Variants in MIER3 observed in about 807,000 individuals in gnomAD.
MIER3 encodes mesoderm induction early response protein 3.
MIER3 carries 9 observed loss-of-function variants against 63.2 expected under a neutral mutation model. The ratio of observed to expected loss-of-function variants is 0.14; its 90% CI spans 0.09 to 0.25. The LOEUF (loss-of-function observed/expected upper bound fraction) is 0.25. Ranked by LOEUF, MIER3 falls within the 10% of genes least tolerant of loss-of-function variation. The probability of loss-of-function intolerance (pLI) is 1.00; values close to 1 mark genes in which losing one functional copy is unlikely to be tolerated. For synonymous variants in MIER3, 205 were observed against 224.9 expected, an observed-to-expected ratio of 0.91 and a Z score of 0.79; for missense variants, 512 against 666.2, an observed-to-expected ratio of 0.77 and a Z score of 2.55.
chr5:56,920,593 C>A lies in MIER3; in HGVS notation c.*2535G>T, dbSNP rs1252407246. On this transcript the variant is annotated 3_prime_UTR_variant, in exon 13 of 13. Transcript: ENST00000381199. ...ATGCAATTCTTTTAATAAACAGTAA[C>A]AAATTCTCTGTTAAGATGTTTAAAC... 6.6e-6 allele frequency: 1 copy of A among 151,968 alleles called. No homozygotes were observed. The highest frequency in any genetic ancestry group is 2.4e-5 in the African/African-American group (1 of 41,266). The allele number at this position is 151,968 out of a possible 1,614,324, so 9.4% of individuals were successfully genotyped here.
intron 3 of MIER3, among the ~76,000 whole-genome samples, chr5:56,940,147 T>G (rs922534006): frequency 6.6e-6 from 1 of 152,158 alleles, no homozygotes; most frequent in East Asian, 1.9e-4. Context: ...CTGGCCAACA[T>G]GGTGAAACCC....
chr5:56,924,043 C>G lies in MIER3; in HGVS notation c.925-1G>C. ...ACTCAGCAACTGTCCTAGTTCTCAC[C>G]TAATGAAAAAGTTGAATTTTTAAAA... On this transcript the variant is annotated splice_acceptor_variant, in intron 10 of 12. Transcript: ENST00000381199. LOFTEE classifies it high-confidence loss of function. The G allele has an allele frequency of 6.3e-7, 1 of 1,586,240 alleles. No individual in the cohort carries two copies. The highest frequency in any genetic ancestry group is 8.5e-7 in the Non-Finnish European group (1 of 1,171,624).
In MIER3 at chr5:56,920,519, T is replaced by C. The variant is rs541437222; in HGVS notation, c.*2609A>G. 6 of 152,598 alleles carry C rather than the reference T, an allele frequency of 3.9e-5. No individual in the cohort carries two copies. Among genetic ancestry groups the C allele is most frequent in the Non-Finnish European group, 7.4e-5 (5 of 67,978 alleles). 9.5% of individuals were successfully genotyped at this position (152,598 alleles called of 1,614,324 possible). ...TGCTTAACACTTGATAATAAAGGCA[T>C]TATTGTTTCTTCACATGATTGCAAA... On this transcript the variant is annotated 3_prime_UTR_variant, in exon 13 of 13. Coordinates refer to ENST00000381199, the MANE Select transcript of MIER3 (RefSeq NM_001297599.2).
At chr5:56,945,469 A>G (rs1394327786) in intron 3 of MIER3, among the ~76,000 whole-genome samples, 1 of 152,248 alleles carries the variant, frequency 6.6e-6, no homozygotes, top group Non-Finnish European at 1.5e-5. Flanking sequence ...TCTCAAAAAA[A>G]AAAAGTTCTA....
upstream of MIER3, chr5:56,952,144 C>G: frequency 4.9e-6 from 6 of 1,218,434 alleles, no homozygotes; most frequent in Non-Finnish European, 5.2e-6. Flanking sequence ...GAGCCCAGTC[C>G]CCGGATGGGG....
At chr5:56,941,157 A>C in intron 3 of MIER3, 1 of 985,246 alleles carries the variant, frequency 1.0e-6, no homozygotes, top group South Asian at 4.7e-5. Flanking sequence ...TAGTGGGAGT[A>C]AGTCTCAAAG....
chr5:56,951,476 C>T (rs993484920), intron 1 of MIER3, among the ~76,000 whole-genome samples: 1 of 152,138 alleles, frequency 6.6e-6, no homozygotes, highest in Non-Finnish European at 1.5e-5. Flanking sequence ...TCGGTCTGCC[C>T]TTTAACCCCA....
rs1308905554 is a variant in MIER3, at chr5:56,938,954, C to G, written c.244G>C (p.Val82Leu). Residue 82 changes from valine to leucine, a missense_variant, in exon 4 of 13, where the codon GTT (valine) becomes CTT (leucine). This residue lies in a region of MIER3 where 98 missense variants were observed against 107.4 expected (regional missense o/e 0.91). Coordinates refer to ENST00000381199, the MANE Select transcript of MIER3 (RefSeq NM_001297599.2). ...GAACTATTTGCACTGGAATTTGCAA[C>G]TGCTGGAATTGTAGGTTCATAGCCA... The part of the protein sequence containing the change: ...FYGYEPTIPA[V>L]ANSSANSSPS... 1.9e-6 allele frequency: 3 copies of G among 1,614,040 alleles called. No homozygotes were observed. The highest frequency in any genetic ancestry group is 1.3e-5 in the African/African-American group (1 of 74,944).
intron 8 of MIER3, among the ~76,000 whole-genome samples, chr5:56,931,049 C>T (rs1368673734): frequency 6.6e-6 from 1 of 152,018 alleles, no homozygotes; most frequent in Non-Finnish European, 1.5e-5. Context: ...TTAGAGTTTC[C>T]CCTATTTTAG....
At position 56,952,109 on chromosome 5, in the gene MIER3, A is replaced by T. The variant is rs1329387238; in HGVS notation, c.-7T>A. On this transcript the variant is annotated 5_prime_UTR_variant, in exon 1 of 13. Coordinates refer to ENST00000381199, the MANE Select transcript of MIER3 (RefSeq NM_001297599.2). ...CCCTGCTCACCTCCGCCATATTGGT[A>T]CCTTTAGGGCGAACGAGCAGCGCCG... is the stretch of plus-strand genomic sequence containing the variant. 2 of 1,297,606 alleles carry T rather than the reference A, an allele frequency of 1.5e-6. No homozygotes were observed. Among genetic ancestry groups the T allele is most frequent in the Non-Finnish European group, 2.0e-6 (2 of 1,005,356 alleles). 80.4% of individuals were successfully genotyped at this position (1,297,606 alleles called of 1,614,324 possible).
chr5:56,935,448 T>C lies in MIER3; in HGVS notation c.575A>G (p.Glu192Gly). 6.3e-7 allele frequency: 1 copy of C among 1,592,538 alleles called. No individual in the cohort carries two copies. The highest frequency in any genetic ancestry group is 8.5e-7 in the Non-Finnish European group (1 of 1,173,856). The part of the protein sequence containing the change: ...YQAEIPPYLG[E>G]YDGNEKVYEN... The stretch of plus-strand genomic sequence containing the variant: ...CTTACCTTTCTCATTACCATCGTAC[T>C]CTCCAAGATAAGGGGGAATCTCTGC... Residue 192 changes from glutamate (E) to glycine (G), a missense_variant, in exon 7 of 13, where the codon GAG (glutamate) becomes GGG (glycine). Around this residue, in one of 5 missense-constraint regions of MIER3, gnomAD observed 118 missense variants for 133.6 expected, o/e 0.88. Transcript: ENST00000381199.
intron 1 of MIER3, 40 bp from the exon 2 acceptor site, chr5:56,950,692 GCCAGGGAAAGAGGCAGCGC>G: frequency 6.2e-7 from 1 of 1,610,864 alleles, no homozygotes; most frequent in Non-Finnish European, 8.5e-7. Context: ...AGATCGCACA[GCCAGGGAAAGAGGCAGCGC>G]CGGCAACAGG....
rs1561226969 is a variant in MIER3 at position 56,921,569 on chromosome 5, AC to A, written c.*1558del. On this transcript the variant is annotated 3_prime_UTR_variant, in exon 13 of 13. Transcript: ENST00000381199. ...ATGCTGCAAAGAAAAACAAGAATAC[AC>A]ATCATCCAAAACTAAGGATGTCATT... The A allele has an allele frequency of 1.3e-5, 2 of 152,616 alleles. No homozygotes were observed. Among genetic ancestry groups the A allele is most frequent in the African/African-American group, 4.8e-5 (2 of 41,458 alleles). 9.5% of individuals were successfully genotyped at this position (152,616 alleles called of 1,614,324 possible).
rs778799987 is a variant in MIER3 at position 56,928,871 on chromosome 5, A to T, written c.830-10T>A. On this transcript the variant is annotated splice_polypyrimidine_tract_variant and intron_variant, in intron 9 of 12. Coordinates refer to ENST00000381199, the MANE Select transcript of MIER3 (RefSeq NM_001297599.2). The stretch of plus-strand genomic sequence containing the variant: ...CATGCAGTCATTCCTTCTAAGAAAA[A>T]TTTTAAAATAAAATTTATGGGCCCC... The T allele has an allele frequency of 5.1e-5, 82 of 1,606,272 alleles. No homozygotes were observed. Among genetic ancestry groups the T allele is most frequent in the Non-Finnish European group, 6.8e-5 (80 of 1,176,480 alleles).
chr5:56,942,993 T>A (rs868702764), intron 3 of MIER3, among the ~76,000 whole-genome samples: 34 of 152,098 alleles, frequency 2.2e-4, no homozygotes, highest in African/African-American at 6.5e-4. Context: ...AATTTTTTTT[T>A]AAATTAGCCA....
At position 56,931,967 on chromosome 5, in the gene MIER3, A is replaced by G. The variant is rs140746025; in HGVS notation, c.748-1222T>C. Among the ~76,000 whole-genome samples, 784 of 152,340 alleles carry G rather than the reference A, an allele frequency of 5.1e-3. 4 individuals are homozygous for G. Among genetic ancestry groups the G allele is most frequent in the Non-Finnish European group, 7.0e-3 (476 of 68,038 alleles). ...TTAAGATACATTTTTTAAAAAATTG[A>G]TATTTCTCAACATCAACAATATACA... On this transcript the variant is annotated intron_variant, in intron 8 of 12. Transcript: ENST00000381199.
At chr5:56,952,072 C>T in intron 1 of MIER3, 22 bp downstream of exon 1, 7 of 1,298,680 alleles carry the variant, frequency 5.4e-6, no homozygotes, top group Non-Finnish European at 7.0e-6. Flanking sequence ...CCCGGCTGCT[C>T]CTGCCCGGTT....
intron 8 of MIER3, among the ~76,000 whole-genome samples, chr5:56,931,481 T>C (rs1750264872): frequency 6.6e-6 from 1 of 152,170 alleles, no homozygotes; most frequent in Non-Finnish European, 1.5e-5. Context: ...AAGACATCAC[T>C]GTGTACCTAA....
chr5:56,929,227 A>G (rs1014426970), intron 9 of MIER3: 1 of 158,686 alleles, frequency 6.3e-6, no homozygotes, highest in Admixed American at 6.4e-5. Flanking sequence ...AAAAAACTCT[A>G]CCTCCTTTAT....
Sources: gnomAD v4.1 joint callset for allele counts (sites outside exome capture counted in the v4.1 genomes callset) on GRCh38, gnomAD v4.1.1 for gene constraint, gnomAD v4.1.1 regional missense constraint, MANE v1.5 for transcripts, NCBI Gene and HGNC (gene_info 2026-07-23, HGNC 2026-07-21) for gene names.